Variants in ARHGAP15 observed in about 807,000 individuals in gnomAD.
The protein encoded by ARHGAP15 is rho GTPase-activating protein 15.
ARHGAP15 carries 51 observed loss-of-function variants against 63.7 expected under a neutral mutation model. The ratio of observed to expected loss-of-function variants is 0.80; its 90% CI spans 0.64 to 1.01. The LOEUF (loss-of-function observed/expected upper bound fraction) is 1.01. Among genes scored for constraint, ARHGAP15 ranks in the 50% least tolerant of loss-of-function variants. ARHGAP15 has a pLI of 0.00. For missense variants in ARHGAP15, 560 were observed against 564.6 expected (o/e 0.99, Z 0.08); for synonymous variants, 191 against 193.8 (o/e 0.99, Z 0.12).
At chr2:143,688,614 G>C (rs1202772110) in intron 12 of ARHGAP15, among the ~76,000 whole-genome samples, 1 of 152,114 alleles carries the variant, frequency 6.6e-6, no homozygotes, top group Non-Finnish European at 1.5e-5. Flanking sequence ...TCACTTAGTA[G>C]AATTACATAA....
chr2:143,749,999 A>G (rs965276160), intron 13 of ARHGAP15, among the ~76,000 whole-genome samples: 3 of 152,188 alleles, frequency 2.0e-5, no homozygotes, highest in East Asian at 3.9e-4. Context: ...CCCGGGTCTC[A>G]ACCCTGAACT....
intron 6 of ARHGAP15, among the ~76,000 whole-genome samples, chr2:143,254,513 A>G (rs954381603): frequency 2.0e-5 from 3 of 152,088 alleles, no homozygotes; most frequent in African/African-American, 7.2e-5. Context: ...TCTGAGTTAA[A>G]TATTTTGGAA....
At chr2:143,496,308 A>G (rs1421974006) in intron 9 of ARHGAP15, among the ~76,000 whole-genome samples, 1 of 152,196 alleles carries the variant, frequency 6.6e-6, no homozygotes, top group Admixed American at 6.5e-5. Flanking sequence ...TGTATTTTAA[A>G]AGCCTGTTGT....
chr2:143,248,330 G>A (rs1390901497), intron 5 of ARHGAP15, among the ~76,000 whole-genome samples: 4 of 152,118 alleles, frequency 2.6e-5, no homozygotes, highest in Non-Finnish European at 5.9e-5. Flanking sequence ...AAGGACCTAC[G>A]GCAAGATCAC....
chr2:143,183,722 C>CTTTTTTTTTT (rs766431084), intron 2 of ARHGAP15, among the ~76,000 whole-genome samples: 1 of 139,916 alleles, frequency 7.1e-6, no homozygotes. Flanking sequence ...TTTTTCTTTT[C>CTTTTTTTTTT]TTTTTTTTTT....
In ARHGAP15 at chr2:143,437,056, T is replaced by C; in HGVS notation, c.703+14T>C. On this transcript the variant is annotated intron_variant, in intron 8 of 13. Coordinates refer to ENST00000295095, the MANE Select transcript of ARHGAP15 (RefSeq NM_018460.4). ...GAAAATCTTTAAGTGAGTATTTTCTTTGACTTGCTCATTTTAAGTTTGTCT... is the reference window on the plus strand; with the variant it reads ...GAAAATCTTTAAGTGAGTATTTTCTCTGACTTGCTCATTTTAAGTTTGTCT... 1 of 1,587,760 alleles carries C rather than the reference T, an allele frequency of 6.3e-7. No individual in the cohort carries two copies. Among genetic ancestry groups the C allele is most frequent in the Non-Finnish European group, 8.5e-7 (1 of 1,173,002 alleles).
At chr2:143,412,106 C>T (rs1397333559) in intron 6 of ARHGAP15, among the ~76,000 whole-genome samples, 1 of 152,104 alleles carries the variant, frequency 6.6e-6, no homozygotes, top group Non-Finnish European at 1.5e-5. Context: ...AGAGAAGTGA[C>T]ATGATTCTGT....
At chr2:143,387,973 C>T (rs1687371367) in intron 6 of ARHGAP15, among the ~76,000 whole-genome samples, 1 of 151,960 alleles carries the variant, frequency 6.6e-6, no homozygotes, top group Admixed American at 6.6e-5. Flanking sequence ...TTTAGAAGAT[C>T]TCTTAAACAG....
At chr2:143,354,907 C>T (rs1479766610) in intron 6 of ARHGAP15, among the ~76,000 whole-genome samples, 1 of 152,166 alleles carries the variant, frequency 6.6e-6, no homozygotes, top group Non-Finnish European at 1.5e-5. Flanking sequence ...TATTCTTGTA[C>T]ATCTGCAATC....
At chr2:143,179,402 C>T (rs1236048824) in intron 2 of ARHGAP15, among the ~76,000 whole-genome samples, 1 of 152,186 alleles carries the variant, frequency 6.6e-6, no homozygotes, top group Non-Finnish European at 1.5e-5. Context: ...AAAGTCTAGA[C>T]ATAGCTCAAC....
chr2:143,306,967 T>C (rs1415130798), intron 6 of ARHGAP15, among the ~76,000 whole-genome samples: 1 of 152,126 alleles, frequency 6.6e-6, no homozygotes, highest in Non-Finnish European at 1.5e-5. Context: ...GAAGTTGCTA[T>C]GAAGTCGTCA....
chr2:143,255,102 A>G (rs1680353579), intron 6 of ARHGAP15, among the ~76,000 whole-genome samples: 1 of 152,106 alleles, frequency 6.6e-6, no homozygotes, highest in Admixed American at 6.6e-5. Flanking sequence ...CTTTAAAATA[A>G]AGTTTTTAAA....
intron 12 of ARHGAP15, among the ~76,000 whole-genome samples, chr2:143,700,556 C>G (rs1333408659): frequency 1.3e-5 from 2 of 152,138 alleles, no homozygotes; most frequent in Admixed American, 1.3e-4. Context: ...CTCTCCTCTC[C>G]TCTCATCCCC....
At chr2:143,588,617 A>T (rs929146621) in intron 11 of ARHGAP15, among the ~76,000 whole-genome samples, 27 of 152,148 alleles carry the variant, frequency 1.8e-4, no homozygotes, top group African/African-American at 6.3e-4. Context: ...TTTGCTGAGG[A>T]TGATGGCTTC....
chr2:143,435,878 C>G (rs1003229144), intron 7 of ARHGAP15, among the ~76,000 whole-genome samples, 179 bp downstream of exon 7: 35 of 152,194 alleles, frequency 2.3e-4, no homozygotes, highest in African/African-American at 8.4e-4. Context: ...ATTTGTAGAA[C>G]TGTCGTTTAA....
intron 2 of ARHGAP15, among the ~76,000 whole-genome samples, chr2:143,157,303 A>G (rs932528538): frequency 3.9e-5 from 6 of 151,930 alleles, no homozygotes; most frequent in Non-Finnish European, 7.4e-5. Context: ...AAAAGGATTA[A>G]CCCTCTTAAA....
intron 6 of ARHGAP15, among the ~76,000 whole-genome samples, chr2:143,337,538 G>T (rs1351141329): frequency 6.6e-6 from 1 of 152,126 alleles, no homozygotes; most frequent in Non-Finnish European, 1.5e-5. Context: ...AACATATAAA[G>T]TCATTACTCT....
At chr2:143,578,352 C>T (rs935531054) in intron 11 of ARHGAP15, among the ~76,000 whole-genome samples, 12 of 152,040 alleles carry the variant, frequency 7.9e-5, no homozygotes, top group Admixed American at 3.9e-4. Context: ...TAGAAAATTA[C>T]AACATGGAGT....
At chr2:143,417,483 A>T (rs1410592174) in intron 6 of ARHGAP15, among the ~76,000 whole-genome samples, 1 of 152,174 alleles carries the variant, frequency 6.6e-6, no homozygotes, top group African/African-American at 2.4e-5. Flanking sequence ...CTTAATATGG[A>T]TAATTAGATA....
Sources: allele counts gnomAD v4.1 joint callset (sites outside exome capture counted in the v4.1 genomes callset), GRCh38; gene constraint gnomAD v4.1.1; transcripts MANE v1.5; gene names NCBI Gene and HGNC (gene_info 2026-07-23, HGNC 2026-07-21).